ASB14: variants seen among roughly 807,000 people sequenced by gnomAD.
ASB14 encodes ankyrin repeat and SOCS box containing 14.
In ASB14, 63 loss-of-function variants were observed where a neutral mutation model predicts 55.6. That is an observed-to-expected ratio of 1.13 (90% CI 0.92 to 1.40). ASB14 has a LOEUF of 1.40. Ranked by LOEUF, ASB14 falls within the 40% of genes most tolerant of loss-of-function variation. The pLI is 0.00. For synonymous variants in ASB14, 256 were observed against 259.9 expected (o/e 0.98, Z 0.15); for missense variants, 724 against 710.4 (o/e 1.02, Z -0.22).
intron 10 of ASB14, 132 bp downstream of exon 10, chr3:57,276,396 C>A: frequency 1.6e-6 from 1 of 627,486 alleles, no homozygotes; most frequent in Non-Finnish European, 2.6e-6. Context: ...AGCAATCCTC[C>A]TGCCTCAGCC....
At chr3:57,272,973 AC>A (rs1308167609) in intron 10 of ASB14, 1 of 152,622 alleles carries the variant, frequency 6.6e-6, no homozygotes, top group Admixed American at 6.5e-5. Flanking sequence ...ACTTAAACAC[AC>A]CAATTGTAGA....
In ASB14 at chr3:57,278,610, C is replaced by T; in HGVS notation, c.1198G>A (p.Glu400Lys). 1.2e-6 allele frequency: 2 copies of T among 1,614,224 alleles called. No homozygotes were observed. The highest frequency in any genetic ancestry group is 8.5e-7 in the Non-Finnish European group (1 of 1,180,036). The stretch of plus-strand genomic sequence containing the variant: ...TGCCTTAGCAGCAGACTGATCAGCT[C>T]ATAGTTGCCCATCCTGAGGGCTATC... ...LQIALRMGNY[E>K]LISLLLRHGA... Residue 400 changes from glutamate (E) to lysine (K), a missense_variant, in exon 8 of 11, where the codon GAG becomes AAG. By Grantham distance (56) the Glu-to-Lys change is moderately conservative (BLOSUM62 1). Coordinates refer to ENST00000487349, the MANE Select transcript of ASB14 (RefSeq NM_001142733.3).
intron 3 of ASB14, among the ~76,000 whole-genome samples, chr3:57,288,784 G>A (rs1159321346): frequency 2.2e-5 from 3 of 136,030 alleles, no homozygotes; most frequent in Middle Eastern, 4.7e-3. Context: ...GCGCAATCTC[G>A]GTTTACTGCA....
intron 2 of ASB14, 105 bp from the exon 3 acceptor site, chr3:57,289,228 A>T: frequency 1.3e-6 from 1 of 743,576 alleles, no homozygotes; most frequent in Non-Finnish European, 2.2e-6. Context: ...TTAATCCGGG[A>T]TGAACTTTCA....
intron 1 of ASB14, among the ~76,000 whole-genome samples, chr3:57,292,322 T>C (rs2061139691): frequency 6.6e-6 from 1 of 152,214 alleles, no homozygotes; most frequent in Non-Finnish European, 1.5e-5. Flanking sequence ...AAATAAGACT[T>C]CGGTTAGTGC....
intron 8 of ASB14, among the ~76,000 whole-genome samples, chr3:57,278,170 A>G (rs927823934): frequency 3.3e-5 from 5 of 152,190 alleles, no homozygotes; most frequent in Admixed American, 3.3e-4. Flanking sequence ...GCAGAGTTAA[A>G]TCACTTTTAC....
intron 5 of ASB14, among the ~76,000 whole-genome samples, chr3:57,287,165 TC>T (rs1375224749): frequency 2.0e-5 from 3 of 152,322 alleles, no homozygotes; most frequent in Middle Eastern, 3.4e-3. Context: ...GGCTATTTGC[TC>T]ATAATTAAAA....
Position 57,283,398 on chromosome 3 carries a change from T to G in ASB14, c.511A>C (p.Asn171His). ...CGCAGATTGACATCTGCTCCATAGTTGATCAGCAAGGCAGCCATGTCATAG... is the reference window on the plus strand; with the variant it reads ...CGCAGATTGACATCTGCTCCATAGTGGATCAGCAAGGCAGCCATGTCATAG... Reference protein sequence around the residue: ...DCYDMAALLINYGADVNLRCA... With the variant: ...DCYDMAALLIHYGADVNLRCA... The change falls in exon 6 of 11, where the codon AAC (asparagine) becomes CAC (histidine). Residue 171 changes from asparagine to histidine, a missense_variant. By Grantham distance (68) the Asn-to-His change is moderately conservative. Coordinates refer to ENST00000487349, the MANE Select transcript of ASB14 (RefSeq NM_001142733.3). The G allele has an allele frequency of 6.4e-7, 1 of 1,551,598 alleles. No individual in the cohort carries two copies. Among genetic ancestry groups the G allele is most frequent in the Non-Finnish European group, 8.7e-7 (1 of 1,146,904 alleles).
intron 4 of ASB14, 44 bp downstream of exon 4, chr3:57,288,111 A>G: frequency 6.5e-7 from 1 of 1,535,086 alleles, no homozygotes; most frequent in East Asian, 2.4e-5. Flanking sequence ...ATGAATGTTA[A>G]ATTTATCTCT....
chr3:57,288,751 G>A (rs1286182361), intron 3 of ASB14, among the ~76,000 whole-genome samples: 1 of 119,826 alleles, frequency 8.3e-6, no homozygotes, highest in Non-Finnish European at 1.6e-5. Flanking sequence ...GTCTCGCTCT[G>A]TTGCCCAGAC....
chr3:57,276,249 A>G (rs962703954), intron 10 of ASB14, among the ~76,000 whole-genome samples: 41 of 150,560 alleles, frequency 2.7e-4, no homozygotes, highest in African/African-American at 9.0e-4. Flanking sequence ...CTAGTCATTT[A>G]TATGTTGAGA....
chr3:57,274,692 A>C (rs1196110828), intron 10 of ASB14, among the ~76,000 whole-genome samples: 2 of 152,184 alleles, frequency 1.3e-5, no homozygotes, highest in Admixed American at 6.5e-5. Flanking sequence ...ATCTCAGAAA[A>C]AGGAACCTAT....
intron 3 of ASB14, 141 bp downstream of exon 3, chr3:57,288,927 A>G: frequency 3.6e-6 from 2 of 560,186 alleles, no homozygotes; most frequent in African/African-American, 1.9e-5. Flanking sequence ...CATGTTGGCC[A>G]GGCTGGTCTC....
At chr3:57,287,845 G>T (rs942897969) in intron 5 of ASB14, 56 bp downstream of exon 5, 1 of 1,501,168 alleles carries the variant, frequency 6.7e-7, no homozygotes. Flanking sequence ...TGAAACCTGG[G>T]GGCATGAAGG....
chr3:57,279,843 ATAAGT>A (rs768401215), intron 7 of ASB14, among the ~76,000 whole-genome samples: 51 of 152,164 alleles, frequency 3.4e-4, no homozygotes, highest in Non-Finnish European at 6.0e-4. Context: ...ATTGATCTAG[ATAAGT>A]TAGTTTACTT....
Position 57,289,055 on chromosome 3 carries a change from T to G in ASB14, c.178+13A>C, listed in dbSNP as rs1180046499. 1.3e-6 allele frequency: 2 copies of G among 1,497,346 alleles called. No individual in the cohort carries two copies. 92.8% of individuals were successfully genotyped at this position (1,497,346 alleles called of 1,614,324 possible). Reference sequence around the variant, plus strand: ...ACATCTTACCACAAGTTAAAGGGGATAGGAGTACTTAACTTTCTCTATTGT... The same window carrying G: ...ACATCTTACCACAAGTTAAAGGGGAGAGGAGTACTTAACTTTCTCTATTGT... On this transcript the variant is annotated intron_variant, in intron 3 of 10. Transcript: ENST00000487349.
rs1178268519 is a variant in ASB14 at position 57,291,980 on chromosome 3, G to T, written c.54C>A (p.Leu18=). The change falls in exon 2 of 11, where the codon CTC becomes CTA. Residue 18 remains leucine, a synonymous_variant. Coordinates refer to ENST00000487349, the MANE Select transcript of ASB14 (RefSeq NM_001142733.3). ...TATCCTGCAAACTCTGTTGAATGAT[G>T]AGCTGGGTGTCAAAGTCTTCATCTA... ...EDIDEDFDTQ[L]IIQQSLQDIY... 3.9e-6 allele frequency: 6 copies of T among 1,535,534 alleles called. No individual in the cohort carries two copies. The South Asian group carries it at 6.0e-5, about 15-fold the overall frequency.
intron 6 of ASB14, among the ~76,000 whole-genome samples, chr3:57,280,857 T>C (rs189965024): frequency 1.1e-3 from 166 of 152,306 alleles, no homozygotes; most frequent in African/African-American, 3.9e-3. Flanking sequence ...TATAATACCA[T>C]GCCATCTAAT....
chr3:57,280,471 C>A lies in ASB14; in HGVS notation c.718G>T (p.Ala240Ser), dbSNP rs534734940. 1 of 1,549,382 alleles carries A rather than the reference C, an allele frequency of 6.5e-7. No homozygotes were observed. The highest frequency in any genetic ancestry group is 1.2e-5 in the South Asian group (1 of 83,854). The change falls in exon 7 of 11, where the codon GCT (alanine) becomes TCT (serine). Residue 240 changes from alanine to serine, a missense_variant and splice_region_variant. Transcript: ENST00000487349. ...TCAGAGGCCTGACCATGAGCATTAG[C>A]TCCTAAGAGGAGAAAGACTCTTGTT... The part of the protein sequence containing the change: ...EIMEMLLRKG[A>S]NAHGQASDSS...
Sources: allele counts gnomAD v4.1 joint callset (sites outside exome capture counted in the v4.1 genomes callset), GRCh38; gene constraint gnomAD v4.1.1; transcripts MANE v1.5; gene names NCBI Gene and HGNC (gene_info 2026-07-23, HGNC 2026-07-21).